The following USP44 variants were observed in gnomAD, a reference collection of about 807,000 sequenced individuals.
The protein encoded by USP44 is ubiquitin specific peptidase 44.
USP44 carries 61 observed loss-of-function variants against 69.0 expected under a neutral mutation model. The ratio of observed to expected loss-of-function variants is 0.88; its 90% CI spans 0.72 to 1.09. The LOEUF (loss-of-function observed/expected upper bound fraction) is 1.09. Among genes scored for constraint, USP44 ranks in the 50% least tolerant of loss-of-function variants. USP44 has a pLI of 0.00. For synonymous variants in USP44, 297 were observed against 295.4 expected (o/e 1.01, Z -0.06); for missense variants, 753 against 849.9 (o/e 0.89, Z 1.42).
In USP44 at chr12:95,516,910, C is replaced by T. The variant is rs774959279; in HGVS notation, c.*1244G>A. ...CACTTATAAAAAAGGGATACATGAT[C>T]TTCCTGTGGTTAACAGAGCTTAGAT... is the stretch of plus-strand genomic sequence containing the variant. On this transcript the variant is annotated 3_prime_UTR_variant, in exon 6 of 6. Coordinates refer to ENST00000258499, the MANE Select transcript of USP44 (RefSeq NM_032147.5). The T allele has an allele frequency of 2.6e-5, 4 of 152,142 alleles. No individual in the cohort carries two copies. The highest frequency in any genetic ancestry group is 6.5e-5 in the Admixed American group (1 of 15,272). The allele number at this position is 152,142 out of a possible 1,614,324, so 9.4% of individuals were successfully genotyped here.
intron 2 of USP44, among the ~76,000 whole-genome samples, chr12:95,529,429 C>CTTT (rs537451703): frequency 6.9e-6 from 1 of 145,366 alleles, no homozygotes; most frequent in Admixed American, 6.9e-5. Context: ...TTTCTTTCAT[C>CTTT]TTTTTTTTTT....
At chr12:95,539,232 G>GT (rs778907876) in intron 1 of USP44, among the ~76,000 whole-genome samples, 3,183 of 124,192 alleles carry the variant, frequency 0.026, 35 homozygotes, top group African/African-American at 0.037. Flanking sequence ...TTTTTTTTTT[G>GT]TTTTTTTTTT....
chr12:95,519,430 G>GTTTTTTTTTTTTTTTTT (rs1565798412), intron 5 of USP44, among the ~76,000 whole-genome samples: 1 of 112,484 alleles, frequency 8.9e-6, no homozygotes, highest in African/African-American at 3.3e-5. Context: ...TACTCAATCT[G>GTTTTTTTTTTTTTTTTT]TATTTTTTTT....
intron 1 of USP44, among the ~76,000 whole-genome samples, chr12:95,541,558 C>T (rs2077390964): frequency 6.6e-6 from 1 of 151,828 alleles, no homozygotes; most frequent in Non-Finnish European, 1.5e-5. Flanking sequence ...GCAGCCTCAG[C>T]AAAAGAGCAA....
intron 1 of USP44, among the ~76,000 whole-genome samples, chr12:95,537,592 C>T (rs555448682): frequency 6.6e-6 from 1 of 152,270 alleles, no homozygotes; most frequent in South Asian, 2.1e-4. Flanking sequence ...GCTGGGATTA[C>T]AGTCATGAGC....
intron 3 of USP44, among the ~76,000 whole-genome samples, chr12:95,526,217 A>G (rs2076827965): frequency 6.6e-6 from 1 of 152,204 alleles, no homozygotes; most frequent in Non-Finnish European, 1.5e-5. Context: ...CACTCACCAC[A>G]TTTATGTCCA....
intron 1 of USP44, among the ~76,000 whole-genome samples, chr12:95,537,172 T>C (rs2077233059): frequency 6.6e-6 from 1 of 152,140 alleles, no homozygotes; most frequent in South Asian, 2.1e-4. Flanking sequence ...AATTAGTGCT[T>C]AACAAACATT....
At chr12:95,531,828 A>T (rs1244161793) in intron 2 of USP44, among the ~76,000 whole-genome samples, 1 of 152,212 alleles carries the variant, frequency 6.6e-6, no homozygotes, top group Non-Finnish European at 1.5e-5. Flanking sequence ...GTTATAAAAA[A>T]AATTTTGTTT....
At chr12:95,535,724 C>T (rs1175897789) in intron 1 of USP44, among the ~76,000 whole-genome samples, 1 of 152,162 alleles carries the variant, frequency 6.6e-6, no homozygotes, top group Non-Finnish European at 1.5e-5. Context: ...TGATCACAAA[C>T]ACTTTTTTCA....
At chr12:95,523,008 CA>C (rs1414913105) in intron 4 of USP44, among the ~76,000 whole-genome samples, 1 of 152,050 alleles carries the variant, frequency 6.6e-6, no homozygotes, top group Admixed American at 6.5e-5. Context: ...CATAAAAACC[CA>C]AAAGGATGGG....
chr12:95,532,984 G>C lies in USP44; in HGVS notation c.1273C>G (p.Gln425Glu), dbSNP rs754125851. ...TCTAAAAGTTCACAAAGAAATTCCT[G>C]AGCGTCTTGTTGGGCGTAACCACGA... ...AFRGYAQQDA[Q>E]EFLCELLDKI... Residue 425 changes from glutamine (Q) to glutamate (E), a missense_variant, in exon 2 of 6, where the codon CAG (glutamine) becomes GAG (glutamate). Coordinates refer to ENST00000258499, the MANE Select transcript of USP44 (RefSeq NM_032147.5). 1.2e-6 allele frequency: 2 copies of C among 1,614,148 alleles called. No homozygotes were observed. Among genetic ancestry groups the C allele is most frequent in the South Asian group, 2.2e-5 (2 of 91,064 alleles).
intron 3 of USP44, among the ~76,000 whole-genome samples, chr12:95,526,310 C>T (rs982607912): frequency 5.9e-5 from 9 of 152,216 alleles, no homozygotes; most frequent in Non-Finnish European, 8.8e-5. Context: ...CGGTGGCTCG[C>T]GCCTGTAATC....
At chr12:95,549,446 G>A (rs531096163) in intron 1 of USP44, among the ~76,000 whole-genome samples, 2 of 152,208 alleles carry the variant, frequency 1.3e-5, no homozygotes, top group East Asian at 3.9e-4. Flanking sequence ...AAAAGGAGGG[G>A]AAATCTGGAA....
chr12:95,525,292 G>A (rs766979639), intron 3 of USP44, among the ~76,000 whole-genome samples: 11 of 152,006 alleles, frequency 7.2e-5, no homozygotes, highest in African/African-American at 2.4e-4. Context: ...GGCTGGTCTC[G>A]AACTCCTGAC....
At chr12:95,543,646 G>T (rs966146005) in intron 1 of USP44, among the ~76,000 whole-genome samples, 5 of 151,572 alleles carry the variant, frequency 3.3e-5, no homozygotes, top group Non-Finnish European at 7.4e-5. Context: ...AAATCAGAAG[G>T]GTAGCTAAAT....
intron 3 of USP44, among the ~76,000 whole-genome samples, chr12:95,526,076 T>C (rs1196851359): frequency 6.6e-6 from 1 of 152,176 alleles, no homozygotes; most frequent in Admixed American, 6.6e-5. Flanking sequence ...TTGTAAACAT[T>C]TGCACTGCTG....
rs1249304085 is a variant in USP44, at chr12:95,551,274, A to G, written c.-73T>C. The G allele has an allele frequency of 6.6e-6, 1 of 152,014 alleles. No homozygotes were observed. The highest frequency in any genetic ancestry group is 2.4e-5 in the African/African-American group (1 of 41,344). 9.4% of individuals were successfully genotyped at this position (152,014 alleles called of 1,614,324 possible). On this transcript the variant is annotated splice_region_variant and 5_prime_UTR_variant, in exon 1 of 6. Coordinates refer to ENST00000258499, the MANE Select transcript of USP44 (RefSeq NM_032147.5). ...ATCAATGATGTCCCCAAACTTACCT[A>G]TTAAAACCTCAAAATCAGTCTTTCC...
intron 1 of USP44, among the ~76,000 whole-genome samples, chr12:95,542,648 G>T (rs924803527): frequency 2.0e-5 from 3 of 152,026 alleles, no homozygotes; most frequent in African/African-American, 7.3e-5. Flanking sequence ...CATAATCCCA[G>T]CTACTCGGGA....
At chr12:95,529,290 GAA>G (rs1365247187) in intron 2 of USP44, among the ~76,000 whole-genome samples, 2 of 152,056 alleles carry the variant, frequency 1.3e-5, no homozygotes, top group Admixed American at 1.3e-4. Flanking sequence ...ACACTGAATA[GAA>G]ACACACTATG....
Sources: allele counts gnomAD v4.1 joint callset (sites outside exome capture counted in the v4.1 genomes callset), GRCh38; gene constraint gnomAD v4.1.1; transcripts MANE v1.5; gene names NCBI Gene and HGNC (gene_info 2026-07-23, HGNC 2026-07-21).